The following GPC6 variants were observed in gnomAD, a reference collection of about 807,000 sequenced individuals.
The protein encoded by GPC6 is glypican 6, also known as glypican-6.
In GPC6, 14 loss-of-function variants were observed where a neutral mutation model predicts 55.2. The observed-to-expected ratio is 0.25, with a 90% confidence interval of 0.17 to 0.40. The LOEUF (loss-of-function observed/expected upper bound fraction) is 0.40, where lower values mean the gene tolerates loss of function less well. GPC6 is among the 10% of genes least tolerant of loss of function. The pLI is 1.00. For missense variants in GPC6, 641 were observed against 708.5 expected (o/e 0.90, Z 1.08); for synonymous variants, 278 against 259.6 (o/e 1.07, Z -0.68).
chr13:93,556,668 TAGCC>T (rs1875498836), intron 2 of GPC6, among the ~76,000 whole-genome samples: 2 of 152,030 alleles, frequency 1.3e-5, no homozygotes, highest in Admixed American at 6.6e-5. Context: ...TTTAACCTGT[TAGCC>T]AGCCCCACCT....
intron 1 of GPC6, among the ~76,000 whole-genome samples, chr13:93,393,267 T>C (rs993992938): frequency 6.6e-6 from 1 of 151,334 alleles, no homozygotes; most frequent in Non-Finnish European, 1.5e-5. Flanking sequence ...GCCTCCTAAG[T>C]AGTTGGAATT....
intron 1 of GPC6, among the ~76,000 whole-genome samples, chr13:93,525,538 C>T (rs1259197883): frequency 6.6e-6 from 1 of 152,050 alleles, no homozygotes; most frequent in African/African-American, 2.4e-5. Flanking sequence ...GGAATTTCTC[C>T]TGGAAATTGA....
chr13:94,271,289 C>A (rs1474434023), intron 4 of GPC6, among the ~76,000 whole-genome samples: 1 of 151,330 alleles, frequency 6.6e-6, no homozygotes, highest in East Asian at 1.9e-4. Context: ...CCGCACCTGG[C>A]CACAGAGAAG....
chr13:94,073,107 C>A (rs1024191195), intron 4 of GPC6, among the ~76,000 whole-genome samples: 2 of 152,110 alleles, frequency 1.3e-5, no homozygotes, highest in Non-Finnish European at 2.9e-5. Context: ...CACAAACTCT[C>A]CAGACAGCCC....
chr13:93,418,344 T>A (rs1876781549), intron 1 of GPC6, among the ~76,000 whole-genome samples: 1 of 151,372 alleles, frequency 6.6e-6, no homozygotes, highest in South Asian at 2.1e-4. Flanking sequence ...AACTATACCC[T>A]ATTTTTATTA....
At chr13:93,454,932 C>G (rs2139306841) in intron 1 of GPC6, among the ~76,000 whole-genome samples, 1 of 152,352 alleles carries the variant, frequency 6.6e-6, no homozygotes, top group East Asian at 1.9e-4. Context: ...CCCTGTCCCG[C>G]AGGAAGGCAG....
At chr13:93,748,692 G>A (rs1349404807) in intron 2 of GPC6, among the ~76,000 whole-genome samples, 1 of 151,998 alleles carries the variant, frequency 6.6e-6, no homozygotes, top group East Asian at 1.9e-4. Flanking sequence ...CTTCAAATGA[G>A]TAGCATTTAC....
chr13:93,965,196 G>A (rs928078897), intron 3 of GPC6, among the ~76,000 whole-genome samples: 3 of 145,740 alleles, frequency 2.1e-5, no homozygotes, highest in Non-Finnish European at 3.0e-5. Context: ...CAGATCACAC[G>A]GTCAGGAGAT....
chr13:94,385,656 AG>A (rs1387288536), intron 7 of GPC6, among the ~76,000 whole-genome samples: 1 of 152,156 alleles, frequency 6.6e-6, no homozygotes, highest in South Asian at 2.1e-4. Context: ...TTCCACTAGC[AG>A]GGAATCCTAA....
chr13:94,346,285 G>C (rs1878284235), intron 6 of GPC6, among the ~76,000 whole-genome samples: 1 of 152,178 alleles, frequency 6.6e-6, no homozygotes, highest in Non-Finnish European at 1.5e-5. Flanking sequence ...TGAATTTGCA[G>C]ACTGTTGAGG....
chr13:93,595,326 A>G (rs1877677030), intron 2 of GPC6, among the ~76,000 whole-genome samples: 1 of 152,196 alleles, frequency 6.6e-6, no homozygotes, highest in African/African-American at 2.4e-5. Context: ...TGAATTGATC[A>G]AGTACTTGAA....
At chr13:94,398,314 AT>A in intron 7 of GPC6, 151 bp from the exon 8 acceptor site, 1 of 650,586 alleles carries the variant, frequency 1.5e-6, no homozygotes, top group South Asian at 1.7e-5. Flanking sequence ...TGTTTTCACT[AT>A]TTGGCATTTT....
chr13:93,699,732 T>A (rs1882603466), intron 2 of GPC6, among the ~76,000 whole-genome samples: 1 of 152,144 alleles, frequency 6.6e-6, no homozygotes, highest in South Asian at 2.1e-4. Context: ...GGAGAAGTCC[T>A]GATTCTATTA....
At chr13:93,748,277 A>G (rs1486594872) in intron 2 of GPC6, among the ~76,000 whole-genome samples, 3 of 152,140 alleles carry the variant, frequency 2.0e-5, no homozygotes, top group Non-Finnish European at 2.9e-5. Flanking sequence ...CAATCTGAGA[A>G]TTTCTGACTT....
intron 2 of GPC6, among the ~76,000 whole-genome samples, chr13:93,662,872 C>T (rs1297510706): frequency 6.6e-6 from 1 of 151,706 alleles, no homozygotes; most frequent in South Asian, 2.1e-4. Context: ...CAACAAAAAA[C>T]AAAACACCTA....
At chr13:94,265,593 A>G (rs530417833) in intron 4 of GPC6, among the ~76,000 whole-genome samples, 8 of 152,262 alleles carry the variant, frequency 5.3e-5, no homozygotes, top group African/African-American at 1.9e-4. Context: ...CTTCAACCCA[A>G]TCAAATTGAC....
At chr13:94,229,380 TATC>T in intron 4 of GPC6, among the ~76,000 whole-genome samples, 1 of 152,260 alleles carries the variant, frequency 6.6e-6, no homozygotes, top group East Asian at 1.9e-4. Flanking sequence ...TATGTAGAAA[TATC>T]ATGAGAATAT....
chr13:93,701,800 C>T (rs1450455657), intron 2 of GPC6, among the ~76,000 whole-genome samples: 1 of 152,028 alleles, frequency 6.6e-6, no homozygotes, highest in Non-Finnish European at 1.5e-5. Flanking sequence ...AACGCCTCAT[C>T]CTTTCAAGTG....
chr13:94,163,789 C>G (rs1033652270), intron 4 of GPC6, among the ~76,000 whole-genome samples: 2 of 152,150 alleles, frequency 1.3e-5, no homozygotes, highest in Non-Finnish European at 2.9e-5. Context: ...ATTGCATAAT[C>G]TTAATTTTCT....
Sources: allele counts gnomAD v4.1 joint callset (sites outside exome capture counted in the v4.1 genomes callset), GRCh38; gene constraint gnomAD v4.1.1; transcripts MANE v1.5; gene names NCBI Gene and HGNC (gene_info 2026-07-23, HGNC 2026-07-21).